The following CARD19 variants were observed in gnomAD, a reference collection of about 807,000 sequenced individuals.
CARD19 encodes caspase recruitment domain-containing protein 19.
Under a neutral mutation model 24.1 loss-of-function variants are expected in CARD19, and 25 were observed. That is an observed-to-expected ratio of 1.04 (90% CI 0.76 to 1.45). The LOEUF is 1.45. CARD19 is among the 40% of genes most tolerant of loss of function. The pLI is 0.00. For synonymous variants in CARD19, 103 were observed against 104.9 expected (o/e 0.98, Z 0.11); for missense variants, 241 against 247.4 (o/e 0.97, Z 0.17).
chr9:93,097,519 C>T (rs369781129), intron 1 of CARD19, among the ~76,000 whole-genome samples: 9 of 152,284 alleles, frequency 5.9e-5, no homozygotes, highest in South Asian at 2.1e-4. Context: ...TGGAATATCT[C>T]GTCTGTGTAC....
At chr9:93,105,734 G>A (rs200172972) in intron 1 of CARD19, among the ~76,000 whole-genome samples, 2 of 152,004 alleles carry the variant, frequency 1.3e-5, no homozygotes, top group African/African-American at 4.8e-5. Flanking sequence ...AACTTGTTTT[G>A]TGGCCTATCT....
intron 1 of CARD19, among the ~76,000 whole-genome samples, chr9:93,103,146 TA>T (rs1827143718): frequency 6.6e-6 from 1 of 152,228 alleles, no homozygotes; most frequent in South Asian, 2.1e-4. Flanking sequence ...TTGCTCTAGT[TA>T]GGACTGCTAG....
intron 4 of CARD19, 91 bp from the exon 5 acceptor site, chr9:93,112,126 TG>T: frequency 7.2e-7 from 1 of 1,397,550 alleles, no homozygotes; most frequent in Non-Finnish European, 9.8e-7. Flanking sequence ...CACCTCAGCC[TG>T]GCACCCCCAC....
intron 1 of CARD19, among the ~76,000 whole-genome samples, chr9:93,107,031 C>T (rs1176487975): frequency 6.6e-6 from 1 of 152,024 alleles, no homozygotes; most frequent in Non-Finnish European, 1.5e-5. Context: ...GCATTTCTAG[C>T]CCTCTGGGAG....
intron 1 of CARD19, among the ~76,000 whole-genome samples, chr9:93,103,073 A>G (rs1016494152): frequency 2.0e-5 from 3 of 152,198 alleles, no homozygotes; most frequent in African/African-American, 4.8e-5. Context: ...GTGAACAGAG[A>G]AAATTTTACT....
chr9:93,108,000 T>C (rs1827328320), intron 2 of CARD19, among the ~76,000 whole-genome samples, 184 bp downstream of exon 2: 1 of 152,206 alleles, frequency 6.6e-6, no homozygotes, highest in Non-Finnish European at 1.5e-5. Context: ...AACTGGCCCT[T>C]TGGGGTGAGC....
intron 1 of CARD19, among the ~76,000 whole-genome samples, chr9:93,105,226 G>A (rs1827213438): frequency 6.6e-6 from 1 of 150,616 alleles, no homozygotes; most frequent in South Asian, 2.1e-4. Context: ...GTGTGTTTCT[G>A]CCTTTCTCAT....
intron 1 of CARD19, among the ~76,000 whole-genome samples, chr9:93,097,526 G>A (rs1318352922): frequency 6.6e-6 from 1 of 152,210 alleles, no homozygotes; most frequent in Non-Finnish European, 1.5e-5. Context: ...TCTCGTCTGT[G>A]TACAGATGGG....
chr9:93,102,831 T>C (rs60691316), intron 1 of CARD19, among the ~76,000 whole-genome samples: 2,148 of 152,298 alleles, frequency 0.014, 60 homozygotes, highest in African/African-American at 0.049. Context: ...GCTTTCAGTG[T>C]ACAAGATTTT....
In CARD19 at chr9:93,096,239, C is replaced by G; in HGVS notation, c.-107C>G. ...AGCCAAAAGGGGCGGGCGAGCACGG[C>G]CCGCGGGCGGCGTTCGCTGGAGCTG... On this transcript the variant is annotated 5_prime_UTR_variant, in exon 1 of 6. Transcript: ENST00000375464. This position sits in a 1 kb window ranked among gnomAD's most constrained non-coding sequence, Gnocchi z 5.4. The G allele has an allele frequency of 1.7e-6, 2 of 1,156,074 alleles. No homozygotes were observed. Among genetic ancestry groups the G allele is most frequent in the East Asian group, 3.3e-5 (1 of 30,268 alleles). 71.6% of individuals were successfully genotyped at this position (1,156,074 alleles called of 1,614,324 possible).
rs1587629633 is a variant in CARD19, at chr9:93,096,840, G to A, written c.7+488G>A. On this transcript the variant is annotated intron_variant, in intron 1 of 5. Transcript: ENST00000375464. The surrounding 1 kb of genome is among the most constrained non-coding windows in gnomAD (Gnocchi z 5.4). ...AGCGAGGTCGCGGGACAGGCGATGC[G>A]TTCCTCGGCGGCATGTGATTCCTGT... is the stretch of plus-strand genomic sequence containing the variant. Among the ~76,000 whole-genome samples the A allele has an allele frequency of 1.3e-5, 2 of 152,186 alleles. No individual in the cohort carries two copies. Among genetic ancestry groups the A allele is most frequent in the African/African-American group, 4.8e-5 (2 of 41,440 alleles).
At chr9:93,110,354 G>A in intron 2 of CARD19, 1 of 709,796 alleles carries the variant, frequency 1.4e-6, no homozygotes, top group Non-Finnish European at 2.2e-6. Flanking sequence ...ACCCCACAGG[G>A]AGTATGAGGA....
In CARD19 at chr9:93,102,742, A is replaced by G. The variant is rs1827130102; in HGVS notation, c.8-4932A>G. 2.0e-5 allele frequency among the ~76,000 whole-genome samples: 3 copies of G among 152,014 alleles called. No homozygotes were observed. The South Asian group carries it at 6.2e-4, about 32-fold the overall frequency. On this transcript the variant is annotated intron_variant, in intron 1 of 5. Transcript: ENST00000375464. Reference sequence around the variant, plus strand: ...TTGGGGTGGGTTTTTCTATTTCTGCAAAAAACACTTAAGATTTTGATAGGG... The same window carrying G: ...TTGGGGTGGGTTTTTCTATTTCTGCGAAAAACACTTAAGATTTTGATAGGG...
intron 1 of CARD19, among the ~76,000 whole-genome samples, chr9:93,106,321 A>T (rs1293877673): frequency 6.7e-6 from 1 of 150,208 alleles, no homozygotes; most frequent in Non-Finnish European, 1.5e-5. Context: ...TTACACCTGT[A>T]TTCCCAGCAC....
In CARD19 at chr9:93,096,682, T is replaced by C. The variant is rs1273669246; in HGVS notation, c.7+330T>C. ...GCGGTCTGGGCTCAGCCACTGCCAA[T>C]GTGTGTGTGTCCCGTGGTGGGGAAT... On this transcript the variant is annotated intron_variant, in intron 1 of 5. Coordinates refer to ENST00000375464, the MANE Select transcript of CARD19 (RefSeq NM_032310.5). The surrounding 1 kb of genome is among the most constrained non-coding windows in gnomAD (Gnocchi z 5.4). Among the ~76,000 whole-genome samples, 1 of 151,996 alleles carries C rather than the reference T, an allele frequency of 6.6e-6. No homozygotes were observed. The highest frequency in any genetic ancestry group is 2.4e-5 in the African/African-American group (1 of 41,392).
chr9:93,100,213 G>T (rs1227062417), intron 1 of CARD19, among the ~76,000 whole-genome samples: 1 of 152,270 alleles, frequency 6.6e-6, no homozygotes, highest in African/African-American at 2.4e-5. Context: ...ACTGGAAAGA[G>T]ACATGACAAA....
chr9:93,106,929 AAC>A (rs748329487), intron 1 of CARD19, among the ~76,000 whole-genome samples: 5 of 152,072 alleles, frequency 3.3e-5, no homozygotes, highest in Admixed American at 1.3e-4. Flanking sequence ...CTCAGCCTTA[AAC>A]ATCTGCCATT....
Position 93,107,779 on chromosome 9 carries a change from A to G in CARD19, c.113A>G (p.Tyr38Cys). The G allele has an allele frequency of 6.2e-7, 1 of 1,614,206 alleles. No homozygotes were observed. The highest frequency in any genetic ancestry group is 8.5e-7 in the Non-Finnish European group (1 of 1,180,032). The change falls in exon 2 of 6, where the codon TAC becomes TGC. Residue 38 changes from tyrosine (Y) to cysteine (C), a missense_variant. Physicochemically the swap from Tyr to Cys is radical, Grantham distance 194 (BLOSUM62 -2). Coordinates refer to ENST00000375464, the MANE Select transcript of CARD19 (RefSeq NM_032310.5). ...VDRIILQLNRYYPQILTNKEA... is the reference protein window; with the variant it reads ...VDRIILQLNRCYPQILTNKEA... ...AGGATCATCCTCCAGCTGAACCGTT[A>G]CTACCCACAGATCCTTACCAACAAG...
chr9:93,100,865 A>G (rs911451027), intron 1 of CARD19, among the ~76,000 whole-genome samples: 1 of 152,210 alleles, frequency 6.6e-6, no homozygotes, highest in Admixed American at 6.5e-5. Context: ...TAATGTTTTC[A>G]AGGTTCGTCC....
Sources: allele counts gnomAD v4.1 joint callset (sites outside exome capture counted in the v4.1 genomes callset), GRCh38; gene constraint gnomAD v4.1.1; non-coding constraint Gnocchi (gnomAD v3.1); transcripts MANE v1.5; gene names NCBI Gene and HGNC (gene_info 2026-07-23, HGNC 2026-07-21).